The following TNR variants were observed in gnomAD, a reference collection of about 807,000 sequenced individuals.
TNR encodes the protein tenascin R.
A neutral mutation model predicts 150.4 loss-of-function variants in TNR; 45 were observed. That is an observed-to-expected ratio of 0.30 (90% CI 0.24 to 0.38). TNR has a LOEUF of 0.38. TNR is among the 10% of genes least tolerant of loss of function. TNR has a pLI of 1.00. For synonymous variants in TNR, 687 were observed against 678.4 expected (o/e 1.01, Z -0.20); for missense variants, 1,544 against 1,759.1 (o/e 0.88, Z 2.19).
chr1:175,432,068 C>A (rs563842057), intron 2 of TNR, among the ~76,000 whole-genome samples: 1 of 152,004 alleles, frequency 6.6e-6, no homozygotes, highest in African/African-American at 2.4e-5. Flanking sequence ...GGGGAGGGGG[C>A]CAGGGATATG....
intron 7 of TNR, among the ~76,000 whole-genome samples, chr1:175,386,905 A>T (rs912859248): frequency 7.9e-5 from 12 of 152,258 alleles, no homozygotes; most frequent in African/African-American, 2.9e-4. Flanking sequence ...TTCTCTGGAT[A>T]AAAGGATAAA....
chr1:175,581,432 T>A (rs1662343366), intron 1 of TNR, among the ~76,000 whole-genome samples: 1 of 152,212 alleles, frequency 6.6e-6, no homozygotes, highest in Non-Finnish European at 1.5e-5. Flanking sequence ...TCGGCAGCCA[T>A]GAGCAGATGG....
chr1:175,611,702 T>C (rs1412861940), intron 1 of TNR, among the ~76,000 whole-genome samples: 2 of 152,120 alleles, frequency 1.3e-5, no homozygotes, highest in Non-Finnish European at 2.9e-5. Flanking sequence ...AATTAATTAA[T>C]GTGTTCACTA....
At chr1:175,327,675 TC>T (rs968196061) in intron 21 of TNR, among the ~76,000 whole-genome samples, 7 of 152,134 alleles carry the variant, frequency 4.6e-5, no homozygotes, top group African/African-American at 7.2e-5. Context: ...CTTCACAGCC[TC>T]CCCTCCTCCA....
At chr1:175,592,682 T>G (rs1399708147) in intron 1 of TNR, among the ~76,000 whole-genome samples, 1 of 152,198 alleles carries the variant, frequency 6.6e-6, no homozygotes, top group African/African-American at 2.4e-5. Context: ...ATCAAGTGAG[T>G]TACAGAGGAG....
At chr1:175,696,985 G>A (rs1666549347) in intron 1 of TNR, among the ~76,000 whole-genome samples, 1 of 151,596 alleles carries the variant, frequency 6.6e-6, no homozygotes, top group Non-Finnish European at 1.5e-5. Context: ...GGGCTGGTTT[G>A]CCCTAGTTTA....
chr1:175,605,630 C>T (rs941020333), intron 1 of TNR, among the ~76,000 whole-genome samples: 3 of 152,222 alleles, frequency 2.0e-5, no homozygotes, highest in African/African-American at 7.2e-5. Flanking sequence ...CCAGAAAAGA[C>T]ATCCCTGTTT....
intron 1 of TNR, among the ~76,000 whole-genome samples, chr1:175,551,488 G>C (rs749192020): frequency 4.5e-4 from 68 of 152,198 alleles, no homozygotes; most frequent in Non-Finnish European, 8.8e-4. Flanking sequence ...AAGGAAAAGG[G>C]TTACTGGGGT....
At chr1:175,600,285 C>T (rs1479417284) in intron 1 of TNR, among the ~76,000 whole-genome samples, 2 of 152,118 alleles carry the variant, frequency 1.3e-5, no homozygotes, top group Non-Finnish European at 2.9e-5. Context: ...TTAGCTATTA[C>T]TCGTATTATC....
At chr1:175,374,433 GGTGT>G (rs1229645698) in intron 9 of TNR, among the ~76,000 whole-genome samples, 3 of 152,110 alleles carry the variant, frequency 2.0e-5, no homozygotes, top group African/African-American at 7.2e-5. Context: ...GAGCATGTGT[GGTGT>G]GTATGACTAT....
At chr1:175,566,852 T>C (rs563118338) in intron 1 of TNR, among the ~76,000 whole-genome samples, 10 of 152,366 alleles carry the variant, frequency 6.6e-5, no homozygotes, top group African/African-American at 1.9e-4. Flanking sequence ...ATAATTCTTA[T>C]AACTTTAGTC....
chr1:175,331,047 T>TTCTTTCCTTC (rs1649775203), intron 20 of TNR, among the ~76,000 whole-genome samples: 3 of 91,006 alleles, frequency 3.3e-5, no homozygotes, highest in Admixed American at 2.5e-4. Flanking sequence ...CTTTCTTTCT[T>TTCTTTCCTTC]TCTTTCTTTC....
In TNR at chr1:175,400,031, C is replaced by T. The variant is rs553681702; in HGVS notation, c.976+3109G>A. The stretch of plus-strand genomic sequence containing the variant: ...ACAGCTTTCTGGATTGTCTCAAGAC[C>T]CTGTTCTGATGGTTCTTTTATCCTG... On this transcript the variant is annotated intron_variant, in intron 4 of 22. Transcript: ENST00000367674. Among the ~76,000 whole-genome samples, 33 of 152,272 alleles carry T rather than the reference C, an allele frequency of 2.2e-4. No individual in the cohort carries two copies. In the South Asian group the frequency reaches 3.9e-3, roughly 18 times the overall value.
intron 1 of TNR, among the ~76,000 whole-genome samples, chr1:175,568,375 C>T (rs2205832): frequency 0.15 from 23,426 of 151,794 alleles, 2,274 homozygotes; most frequent in African/African-American, 0.27. Flanking sequence ...TAAAGAGCCT[C>T]GGGCCCATGA....
At position 175,588,346 on chromosome 1, in the gene TNR, T is replaced by A. The variant is rs76984473; in HGVS notation, c.-164-59977A>T. Among the ~76,000 whole-genome samples the A allele has an allele frequency of 1.7e-3, 260 of 152,304 alleles. 4 individuals carry two copies. The East Asian group carries it at 0.042, about 24-fold the overall frequency. ...ATGAAAGGGTAAAAAAATTCAAGCCTTCATTCTGCATGTGTCTTTACACCT... is the reference window on the plus strand; with the variant it reads ...ATGAAAGGGTAAAAAAATTCAAGCCATCATTCTGCATGTGTCTTTACACCT... On this transcript the variant is annotated intron_variant, in intron 1 of 22. Transcript: ENST00000367674.
intron 2 of TNR, among the ~76,000 whole-genome samples, chr1:175,481,726 G>A (rs572020139): frequency 1.3e-5 from 2 of 152,182 alleles, no homozygotes; most frequent in South Asian, 2.1e-4. Context: ...CCTTTCTGAT[G>A]GTAGCACTAC....
intron 20 of TNR, among the ~76,000 whole-genome samples, chr1:175,332,615 C>T (rs1401338159): frequency 5.3e-5 from 8 of 152,196 alleles, no homozygotes; most frequent in Non-Finnish European, 1.0e-4. Context: ...TTTTTAAGTT[C>T]CCTACTGTGC....
intron 2 of TNR, among the ~76,000 whole-genome samples, chr1:175,480,910 T>G (rs1393600654): frequency 6.6e-6 from 1 of 152,226 alleles, no homozygotes; most frequent in African/African-American, 2.4e-5. Flanking sequence ...TTTTATTAAT[T>G]AAAACTTACA....
At chr1:175,557,722 C>T (rs1290294570) in intron 1 of TNR, among the ~76,000 whole-genome samples, 2 of 146,564 alleles carry the variant, frequency 1.4e-5, no homozygotes, top group African/African-American at 5.1e-5. Flanking sequence ...GGCAATTCCT[C>T]AGGGATCTAG....
Sources: allele counts gnomAD v4.1 joint callset (sites outside exome capture counted in the v4.1 genomes callset), GRCh38; gene constraint gnomAD v4.1.1; transcripts MANE v1.5; gene names NCBI Gene and HGNC (gene_info 2026-07-23, HGNC 2026-07-21).